MAF: variants seen among roughly 807,000 people sequenced by gnomAD.
MAF encodes the protein MAF bZIP transcription factor.
A neutral mutation model predicts 22.0 loss-of-function variants in MAF; 10 were observed. The ratio of observed to expected loss-of-function variants is 0.45; its 90% CI spans 0.28 to 0.77. MAF has a LOEUF of 0.77. Ranked by LOEUF, MAF falls within the 30% of genes least tolerant of loss-of-function variation. The probability of loss-of-function intolerance (pLI) is 0.12; values close to 1 mark genes in which losing one functional copy is unlikely to be tolerated. For synonymous variants in MAF, 337 were observed against 255.8 expected, an observed-to-expected ratio of 1.32 and a Z score of -3.03; for missense variants, 544 against 548.4, an observed-to-expected ratio of 0.99 and a Z score of 0.08.
At chr16:79,545,125 A>G in the MAF span, among the ~76,000 whole-genome samples, 171 of 152,282 alleles carry the variant, frequency 1.1e-3, 7 homozygotes, top group East Asian at 0.015. Flanking sequence ...TATTAAATAG[A>G]TGATCTCAGA....
At chr16:79,454,346 G>A in the MAF span, among the ~76,000 whole-genome samples, 1 of 152,088 alleles carries the variant, frequency 6.6e-6, no homozygotes, top group African/African-American at 2.4e-5. Flanking sequence ...GCCCTGCAGA[G>A]TCGAAGGAAG....
At chr16:79,467,732 C>T in the MAF span, among the ~76,000 whole-genome samples, 1 of 152,056 alleles carries the variant, frequency 6.6e-6, no homozygotes, top group African/African-American at 2.4e-5. Flanking sequence ...CTAACAAGCC[C>T]CCCAGTGATG....
chr16:79,560,981 G>T, the MAF span, among the ~76,000 whole-genome samples: 1 of 152,166 alleles, frequency 6.6e-6, no homozygotes, highest in Non-Finnish European at 1.5e-5. Context: ...TTGCCTAGGG[G>T]ATTTCATCCA....
the MAF span, among the ~76,000 whole-genome samples, chr16:79,231,502 G>A: frequency 6.6e-6 from 1 of 152,010 alleles, no homozygotes; most frequent in Middle Eastern, 3.2e-3. Context: ...GAAGATTCCT[G>A]GCTCATTGGA....
At chr16:79,251,425 C>T in the MAF span, among the ~76,000 whole-genome samples, 1 of 149,254 alleles carries the variant, frequency 6.7e-6, no homozygotes, top group African/African-American at 2.5e-5. Flanking sequence ...AAGCAATTCT[C>T]CTGCGTCAGC....
At chr16:79,352,728 C>G in the MAF span, among the ~76,000 whole-genome samples, 2 of 152,156 alleles carry the variant, frequency 1.3e-5, no homozygotes, top group African/African-American at 4.8e-5. Flanking sequence ...GTGCTATGGG[C>G]ATTTGGAGCC....
the MAF span, among the ~76,000 whole-genome samples, chr16:79,396,572 C>A: frequency 1.3e-5 from 2 of 152,220 alleles, no homozygotes; most frequent in Non-Finnish European, 2.9e-5. Flanking sequence ...ATTCAATTCC[C>A]AACTTGATGG....
the MAF span, among the ~76,000 whole-genome samples, chr16:79,357,858 T>C: frequency 1.3e-5 from 2 of 152,240 alleles, no homozygotes; most frequent in African/African-American, 4.8e-5. Flanking sequence ...GAAGCATAGA[T>C]GTATCCCCCT....
chr16:79,390,940 G>A, the MAF span, among the ~76,000 whole-genome samples: 2 of 152,130 alleles, frequency 1.3e-5, no homozygotes, highest in African/African-American at 4.8e-5. Flanking sequence ...GGATTTCTGG[G>A]CTACTGTCTC....
chr16:79,425,482 G>A, the MAF span, among the ~76,000 whole-genome samples: 8 of 152,138 alleles, frequency 5.3e-5, no homozygotes, highest in South Asian at 2.1e-4. Context: ...TCTCTGTCTT[G>A]GGGTGGGAAC....
the MAF span, among the ~76,000 whole-genome samples, chr16:79,208,221 G>A: frequency 2.0e-5 from 3 of 152,064 alleles, no homozygotes; most frequent in Admixed American, 6.5e-5. Flanking sequence ...AATGGCATTC[G>A]GGCATGATTA....
At chr16:79,545,031 G>A in the MAF span, among the ~76,000 whole-genome samples, 1 of 152,148 alleles carries the variant, frequency 6.6e-6, no homozygotes, top group Admixed American at 6.5e-5. Flanking sequence ...GGCTCCCTCA[G>A]GCCAGGATGG....
At chr16:79,407,681 G>C in the MAF span, among the ~76,000 whole-genome samples, 1 of 152,024 alleles carries the variant, frequency 6.6e-6, no homozygotes. Flanking sequence ...CTTCATGTCA[G>C]AGATTTTTTT....
the MAF span, among the ~76,000 whole-genome samples, chr16:79,576,526 TATTTA>T: frequency 6.6e-6 from 1 of 152,020 alleles, no homozygotes; most frequent in Non-Finnish European, 1.5e-5. Context: ...AGCACAACTT[TATTTA>T]TTTTTCAGGA....
chr16:79,401,804 G>C, the MAF span, among the ~76,000 whole-genome samples: 2 of 152,200 alleles, frequency 1.3e-5, no homozygotes, highest in African/African-American at 4.8e-5. Flanking sequence ...GAGCTGCTGA[G>C]ATGACAGCTG....
chr16:79,322,442 A>C, the MAF span, among the ~76,000 whole-genome samples: 1 of 152,128 alleles, frequency 6.6e-6, no homozygotes, highest in African/African-American at 2.4e-5. Flanking sequence ...TGAGAAAAAC[A>C]GTAAGTTTGC....
chr16:79,487,368 T>A, the MAF span, among the ~76,000 whole-genome samples: 1 of 152,164 alleles, frequency 6.6e-6, no homozygotes, highest in African/African-American at 2.4e-5. Flanking sequence ...ATATTCTATA[T>A]TTTGATCTGA....
chr16:79,369,791 G>T, the MAF span, among the ~76,000 whole-genome samples: 1 of 152,230 alleles, frequency 6.6e-6, no homozygotes, highest in Non-Finnish European at 1.5e-5. Context: ...GCATGCAGTG[G>T]CATTCTGGCC....
At chr16:79,563,080 T>G in the MAF span, among the ~76,000 whole-genome samples, 1 of 151,910 alleles carries the variant, frequency 6.6e-6, no homozygotes, top group East Asian at 1.9e-4. Context: ...GGTTATACTA[T>G]GGAAACAGAC....
Sources: allele counts gnomAD v4.1 joint callset (sites outside exome capture counted in the v4.1 genomes callset), GRCh38; gene constraint gnomAD v4.1.1; transcripts MANE v1.5; gene names NCBI Gene and HGNC (gene_info 2026-07-23, HGNC 2026-07-21).